The following DCAF6 variants were observed in gnomAD, a reference collection of about 807,000 sequenced individuals.
The protein encoded by DCAF6 is DDB1 and CUL4 associated factor 6, also known as DDB1- and CUL4-associated factor 6.
DCAF6 carries 54 observed loss-of-function variants against 125.1 expected under a neutral mutation model. The observed-to-expected ratio is 0.43, with a 90% CI of 0.35 to 0.54. The LOEUF (loss-of-function observed/expected upper bound fraction) is 0.54, where lower values mean the gene tolerates loss of function less well. Among genes scored for constraint, DCAF6 ranks in the 20% least tolerant of loss-of-function variants. The pLI is 0.01. For missense variants in DCAF6, 934 were observed against 1,161.7 expected (o/e 0.80, Z 2.85); for synonymous variants, 371 against 390.4 (o/e 0.95, Z 0.58).
intron 2 of DCAF6, among the ~76,000 whole-genome samples, chr1:167,962,871 C>G (rs1160675435): frequency 2.0e-5 from 3 of 152,168 alleles, no homozygotes; most frequent in Non-Finnish European, 2.9e-5. Context: ...AGGAGAATTG[C>G]TTGAACCCAG....
the DCAF6 span, among the ~76,000 whole-genome samples, chr1:167,872,610 G>A: frequency 1.4e-4 from 22 of 151,828 alleles, no homozygotes; most frequent in Admixed American, 3.3e-4. Context: ...TGTCAACCAT[G>A]CTGTTGCAAT....
the DCAF6 span, chr1:167,904,980 CT>C: frequency 6.2e-7 from 1 of 1,614,066 alleles, no homozygotes; most frequent in Non-Finnish European, 8.5e-7. Context: ...ACAAACATCC[CT>C]TTTGCACTTG....
At chr1:168,007,913 T>G (rs1683564890) in intron 10 of DCAF6, among the ~76,000 whole-genome samples, 1 of 150,300 alleles carries the variant, frequency 6.7e-6, no homozygotes. Context: ...CCCTTATGCC[T>G]GATGTCTGAC....
rs77581874 is a variant in DCAF6 at position 168,065,241 on chromosome 1, A to G, written c.2440-349A>G. Among the ~76,000 whole-genome samples, 217 of 152,184 alleles carry G rather than the reference A, an allele frequency of 1.4e-3. 3 individuals are homozygous for G. The East Asian group carries it at 0.036, about 25-fold the overall frequency. ...TCCCTCTTCTTAGGGGGGATTTTCT[A>G]TTACTTACTGCCATCTTACCCTTGC... On this transcript the variant is annotated intron_variant, in intron 18 of 21. Coordinates refer to ENST00000367840, the MANE Select transcript of DCAF6 (RefSeq NM_001198956.2).
intron 6 of DCAF6, 92 bp from the exon 7 acceptor site, chr1:167,993,134 A>C: frequency 9.3e-7 from 1 of 1,079,116 alleles, no homozygotes; most frequent in Non-Finnish European, 1.3e-6. Context: ...TTGCTACATT[A>C]AGTCACATGT....
chr1:167,985,082 G>T (rs1165876381), intron 4 of DCAF6, among the ~76,000 whole-genome samples: 1 of 152,014 alleles, frequency 6.6e-6, no homozygotes, highest in Non-Finnish European at 1.5e-5. Flanking sequence ...GAACAGCATG[G>T]GAAAGACCTG....
intron 4 of DCAF6, among the ~76,000 whole-genome samples, chr1:167,980,396 A>G (rs1323975939): frequency 6.7e-6 from 1 of 148,892 alleles, no homozygotes. Context: ...AGGACCCTCC[A>G]TACTATTTTC....
At chr1:168,014,927 C>T (rs1193395363) in intron 10 of DCAF6, among the ~76,000 whole-genome samples, 1 of 152,174 alleles carries the variant, frequency 6.6e-6, no homozygotes, top group East Asian at 1.9e-4. Context: ...TATTCACTAT[C>T]CCCTTTACCT....
chr1:167,935,671 A>G, upstream of DCAF6: 1 of 1,418,504 alleles, frequency 7.0e-7, no homozygotes, highest in Non-Finnish European at 9.7e-7. Context: ...GGCCTCTAAA[A>G]GGTCCATTTT....
At chr1:168,033,232 G>T (rs1225731608) in intron 12 of DCAF6, among the ~76,000 whole-genome samples, 1 of 151,252 alleles carries the variant, frequency 6.6e-6, no homozygotes, top group African/African-American at 2.4e-5. Context: ...TTATATTTCA[G>T]CTTATTCTGA....
intron 7 of DCAF6, 67 bp downstream of exon 7, chr1:167,993,507 T>A: frequency 7.4e-7 from 1 of 1,348,690 alleles, no homozygotes; most frequent in Non-Finnish European, 1.0e-6. Flanking sequence ...CCCAGCGCTT[T>A]GGGAGGCCGA....
intron 10 of DCAF6, among the ~76,000 whole-genome samples, chr1:168,011,567 T>C (rs956965103): frequency 2.0e-5 from 3 of 152,208 alleles, no homozygotes; most frequent in Non-Finnish European, 4.4e-5. Flanking sequence ...AGAACTCTGT[T>C]GTGCACCATA....
the DCAF6 span, among the ~76,000 whole-genome samples, chr1:167,890,903 C>T: frequency 5.4e-4 from 82 of 152,252 alleles, no homozygotes; most frequent in Non-Finnish European, 5.6e-4. Flanking sequence ...CACATAAGGA[C>T]ACAATAAACT....
chr1:168,061,644 C>T (rs1427555718), intron 17 of DCAF6, among the ~76,000 whole-genome samples: 2 of 152,070 alleles, frequency 1.3e-5, no homozygotes, highest in African/African-American at 4.8e-5. Flanking sequence ...GTCTCAATTA[C>T]AGTTGTGCAG....
chr1:167,940,021 A>T (rs948787608), intron 1 of DCAF6, among the ~76,000 whole-genome samples: 2 of 152,106 alleles, frequency 1.3e-5, no homozygotes, highest in Non-Finnish European at 2.9e-5. Context: ...AAATAGATAA[A>T]TTTTTCTTGT....
At chr1:167,962,337 C>G (rs1299588387) in intron 2 of DCAF6, among the ~76,000 whole-genome samples, 1 of 151,906 alleles carries the variant, frequency 6.6e-6, no homozygotes, top group Non-Finnish European at 1.5e-5. Context: ...CTTTATAGTT[C>G]TGTCAGTTTT....
At chr1:167,887,480 G>T in the DCAF6 span, among the ~76,000 whole-genome samples, 1 of 152,074 alleles carries the variant, frequency 6.6e-6, no homozygotes, top group African/African-American at 2.4e-5. Context: ...TCACTCATAG[G>T]TGGGAATTGA....
chr1:168,034,045 T>A (rs1203136484), intron 12 of DCAF6, among the ~76,000 whole-genome samples: 1 of 152,256 alleles, frequency 6.6e-6, no homozygotes, highest in Non-Finnish European at 1.5e-5. Context: ...TAATTTTGGC[T>A]ACCAGAACTC....
chr1:168,062,920 T>G (rs1262511189), intron 17 of DCAF6, among the ~76,000 whole-genome samples: 2 of 149,850 alleles, frequency 1.3e-5, no homozygotes, highest in East Asian at 3.9e-4. Context: ...ATTCTTTTTT[T>G]TTTTTTTTTG....
Sources: allele counts gnomAD v4.1 joint callset (sites outside exome capture counted in the v4.1 genomes callset), GRCh38; gene constraint gnomAD v4.1.1; transcripts MANE v1.5; gene names NCBI Gene and HGNC (gene_info 2026-07-23, HGNC 2026-07-21).